Variants in PI4KA observed in about 807,000 individuals in gnomAD.
PI4KA encodes the protein PI4-kinase alpha.
A neutral mutation model predicts 271.4 loss-of-function variants in PI4KA; 122 were observed. The observed-to-expected ratio is 0.45, with a 90% CI of 0.39 to 0.52. PI4KA has a LOEUF of 0.52. PI4KA is among the 20% of genes least tolerant of loss of function. The pLI is 0.00. For missense variants in PI4KA, 1,969 were observed against 2,769.1 expected, an observed-to-expected ratio of 0.71 and a Z score of 6.48; for synonymous variants, 1,041 against 1,078.8, an observed-to-expected ratio of 0.96 and a Z score of 0.69.
chr22:20,851,043 C>CA (rs1187445524), intron 1 of PI4KA, among the ~76,000 whole-genome samples: 1 of 151,808 alleles, frequency 6.6e-6, no homozygotes, highest in African/African-American at 2.4e-5. Context: ...AAACTGTCTC[C>CA]AAAAAAATGT....
intron 1 of PI4KA, among the ~76,000 whole-genome samples, chr22:20,856,648 G>A (rs1378864684): frequency 6.6e-6 from 1 of 152,032 alleles, no homozygotes; most frequent in East Asian, 1.9e-4. Context: ...TGGCCAGGCT[G>A]GTCTCAAACT....
intron 3 of PI4KA, among the ~76,000 whole-genome samples, chr22:20,828,688 G>A (rs1015579933): frequency 1.3e-5 from 2 of 152,084 alleles, no homozygotes; most frequent in African/African-American, 4.8e-5. Context: ...CCGAGTAGCT[G>A]GGACTACAGA....
Position 20,753,966 on chromosome 22 carries a change from G to A in PI4KA, c.2792-786C>T, listed in dbSNP as rs533108940. On this transcript the variant is annotated intron_variant, in intron 23 of 54. Transcript: ENST00000255882. ...CTCCCAAAGTGCTGGGATTACAGGC[G>A]TGAGCCACCGTGTCCGGCCTGGATG... 2.4e-4 allele frequency among the ~76,000 whole-genome samples: 36 copies of A among 152,326 alleles called. 1 individual carries two copies. In the East Asian group the frequency reaches 6.4e-3, roughly 27 times the overall value.
rs940704593 is a variant in PI4KA at position 20,805,831 on chromosome 22, T to G, written c.1169-666A>C. Among the ~76,000 whole-genome samples, 5 of 75,742 alleles carry G rather than the reference T, an allele frequency of 6.6e-5. No individual in the cohort carries two copies. In the Admixed American group the frequency reaches 8.2e-4, roughly 12 times the overall value. The allele number at this position is 75,742 out of a possible 152,430, so 49.7% of individuals were successfully genotyped here. ...TGGGCGACAGAGCGAGACTCCCATCTCAAAAAAAAAAAAAAAAAGAAAGAA... is the reference window on the plus strand; with the variant it reads ...TGGGCGACAGAGCGAGACTCCCATCGCAAAAAAAAAAAAAAAAAGAAAGAA... On this transcript the variant is annotated intron_variant, in intron 10 of 54. Transcript: ENST00000255882.
intron 43 of PI4KA, among the ~76,000 whole-genome samples, chr22:20,720,226 C>A (rs957023819): frequency 1.3e-5 from 2 of 152,100 alleles, no homozygotes; most frequent in African/African-American, 4.8e-5. Flanking sequence ...CAGACTTGAA[C>A]AAAACACAGC....
chr22:20,837,375 A>AATAG (rs1302318287), intron 2 of PI4KA, among the ~76,000 whole-genome samples: 1 of 115,874 alleles, frequency 8.6e-6, no homozygotes, highest in Non-Finnish European at 1.8e-5. Context: ...ACACTCTAAG[A>AATAG]ATAAATAAAT....
intron 3 of PI4KA, among the ~76,000 whole-genome samples, chr22:20,825,367 G>A (rs1923273377): frequency 6.6e-6 from 1 of 152,138 alleles, no homozygotes; most frequent in South Asian, 2.1e-4. Context: ...GGCCAAAGCA[G>A]GCAGATCACT....
intron 42 of PI4KA, among the ~76,000 whole-genome samples, chr22:20,723,873 GT>G (rs1174582539): frequency 6.6e-6 from 1 of 151,542 alleles, no homozygotes; most frequent in Non-Finnish European, 1.5e-5. Flanking sequence ...GAGTCTCACT[GT>G]ATAGCCCAGG....
At chr22:20,847,821 T>G (rs1177079120) in intron 1 of PI4KA, among the ~76,000 whole-genome samples, 1 of 150,466 alleles carries the variant, frequency 6.6e-6, no homozygotes, top group African/African-American at 2.4e-5. Flanking sequence ...GAAAAAGTAC[T>G]TATGAATAAA....
intron 42 of PI4KA, among the ~76,000 whole-genome samples, chr22:20,722,170 T>C (rs539075602): frequency 1.8e-4 from 27 of 152,222 alleles, no homozygotes; most frequent in Non-Finnish European, 3.8e-4. Flanking sequence ...AATTACCCAG[T>C]CTCGGGAAGT....
intron 1 of PI4KA, among the ~76,000 whole-genome samples, chr22:20,848,765 T>C (rs1926593629): frequency 6.6e-6 from 1 of 151,974 alleles, no homozygotes; most frequent in Non-Finnish European, 1.5e-5. Flanking sequence ...CTTTGTGACC[T>C]TGAAATTAGA....
intron 1 of PI4KA, among the ~76,000 whole-genome samples, chr22:20,839,659 G>A (rs1348356851): frequency 2.0e-5 from 3 of 152,088 alleles, no homozygotes; most frequent in Non-Finnish European, 2.9e-5. Flanking sequence ...GTGAAACCCC[G>A]TCTCTACTAG....
intron 52 of PI4KA, 171 bp from the exon 53 acceptor site, chr22:20,710,168 T>G (rs1925067518): frequency 1.5e-6 from 1 of 664,966 alleles, no homozygotes; most frequent in South Asian, 1.7e-5. Context: ...CTGCACTTGG[T>G]AACCCATACC....
chr22:20,709,870 G>A, intron 53 of PI4KA, 38 bp downstream of exon 53: 2 of 1,104,702 alleles, frequency 1.8e-6, no homozygotes, highest in Non-Finnish European at 2.8e-6. Flanking sequence ...ATGGACAACT[G>A]TCCCCCAGAT....
At chr22:20,759,361 A>T (rs1931699414) in intron 23 of PI4KA, among the ~76,000 whole-genome samples, 1 of 151,608 alleles carries the variant, frequency 6.6e-6, no homozygotes, top group African/African-American at 2.4e-5. Context: ...ATTTTTAAAA[A>T]ACATTTCTTG....
intron 19 of PI4KA, among the ~76,000 whole-genome samples, chr22:20,772,464 T>C (rs1009077688): frequency 1.3e-5 from 2 of 152,202 alleles, no homozygotes; most frequent in South Asian, 2.1e-4. Context: ...CAGTATTGTA[T>C]GTGACAGATG....
rs184315253 is a variant in PI4KA, at chr22:20,740,992, G to A, written c.3741+1236C>T. On this transcript the variant is annotated intron_variant, in intron 32 of 54. Coordinates refer to ENST00000255882, the MANE Select transcript of PI4KA (RefSeq NM_058004.4). Reference sequence around the variant, plus strand: ...GAGATCACAGGAAGACTGTAAAAGTGTGAGTGATGAAAAACATTTGGATAA... The same window carrying A: ...GAGATCACAGGAAGACTGTAAAAGTATGAGTGATGAAAAACATTTGGATAA... Among the ~76,000 whole-genome samples, 3 of 152,230 alleles carry A rather than the reference G, an allele frequency of 2.0e-5. No homozygotes were observed. The South Asian group carries it at 6.2e-4, about 31-fold the overall frequency.
chr22:20,825,636 G>A (rs1230869610), intron 3 of PI4KA, among the ~76,000 whole-genome samples: 1 of 151,992 alleles, frequency 6.6e-6, no homozygotes, highest in Non-Finnish European at 1.5e-5. Flanking sequence ...CAAATTGCAG[G>A]TACATGCATA....
chr22:20,844,919 T>G (rs1305677895), intron 1 of PI4KA, among the ~76,000 whole-genome samples: 1 of 152,184 alleles, frequency 6.6e-6, no homozygotes, highest in Non-Finnish European at 1.5e-5. Context: ...ATCAAATGGC[T>G]TTTCAGAATC....
Sources: allele counts gnomAD v4.1 joint callset (sites outside exome capture counted in the v4.1 genomes callset), GRCh38; gene constraint gnomAD v4.1.1; transcripts MANE v1.5; gene names NCBI Gene and HGNC (gene_info 2026-07-23, HGNC 2026-07-21).